Variants in PKP4 observed in about 807,000 individuals in gnomAD.
PKP4 encodes the protein plakophilin 4, also known as plakophilin-4.
PKP4 carries 90 observed loss-of-function variants against 145.1 expected under a neutral mutation model. That is an observed-to-expected ratio of 0.62 (90% CI 0.52 to 0.74). PKP4 has a LOEUF of 0.74. Among genes scored for constraint, PKP4 ranks in the 30% least tolerant of loss-of-function variants. PKP4 has a pLI of 0.00. For synonymous variants in PKP4, 563 were observed against 577.2 expected (o/e 0.98, Z 0.35); for missense variants, 1,340 against 1,482.7 (o/e 0.90, Z 1.58).
intron 3 of PKP4, among the ~76,000 whole-genome samples, chr2:158,600,744 A>T (rs1003246927): frequency 3.3e-5 from 5 of 152,226 alleles, no homozygotes; most frequent in African/African-American, 1.2e-4. Context: ...CTGTGAAAGT[A>T]GTTGGGCTGA....
intron 6 of PKP4, among the ~76,000 whole-genome samples, chr2:158,622,448 T>C (rs1158900307): frequency 4.2e-4 from 64 of 152,138 alleles, no homozygotes; most frequent in Non-Finnish European, 4.4e-5. Context: ...TGAGGCTAAC[T>C]ATCTGTGCCA....
At chr2:158,527,101 C>T (rs1004207901) in intron 1 of PKP4, among the ~76,000 whole-genome samples, 30 of 119,876 alleles carry the variant, frequency 2.5e-4, no homozygotes, top group African/African-American at 9.7e-4. Flanking sequence ...CATCAAGCTA[C>T]CAATGCCTTT....
intron 1 of PKP4, among the ~76,000 whole-genome samples, chr2:158,468,169 A>T (rs1036164219): frequency 2.0e-5 from 3 of 152,230 alleles, no homozygotes; most frequent in Non-Finnish European, 2.9e-5. Flanking sequence ...CATAATTTTT[A>T]AAACTTTCTT....
intron 2 of PKP4, among the ~76,000 whole-genome samples, chr2:158,575,767 T>C (rs2047791738): frequency 1.3e-5 from 2 of 151,350 alleles, no homozygotes; most frequent in African/African-American, 4.9e-5. Flanking sequence ...AGTGAGTAAA[T>C]GAAGTGAACA....
At chr2:158,475,431 A>C (rs1382066049) in intron 1 of PKP4, among the ~76,000 whole-genome samples, 1 of 152,168 alleles carries the variant, frequency 6.6e-6, no homozygotes, top group Non-Finnish European at 1.5e-5. Flanking sequence ...TAATCTCAGT[A>C]AGGGCATTTT....
chr2:158,481,900 A>G (rs1165995804), intron 1 of PKP4, among the ~76,000 whole-genome samples: 1 of 152,208 alleles, frequency 6.6e-6, no homozygotes, highest in Non-Finnish European at 1.5e-5. Flanking sequence ...ACCTACTTGT[A>G]TTATTGAAAT....
chr2:158,674,287 G>A (rs889625302), intron 19 of PKP4, among the ~76,000 whole-genome samples: 1 of 152,224 alleles, frequency 6.6e-6, no homozygotes, highest in African/African-American at 2.4e-5. Flanking sequence ...TGACAGACTG[G>A]ACAGGGGATC....
At chr2:158,564,992 C>T (rs1479305870) in intron 2 of PKP4, among the ~76,000 whole-genome samples, 1 of 152,090 alleles carries the variant, frequency 6.6e-6, no homozygotes, top group Non-Finnish European at 1.5e-5. Flanking sequence ...CAGAAAATGA[C>T]ATAACCTTAA....
At chr2:158,523,886 C>T (rs1222393058) in intron 1 of PKP4, among the ~76,000 whole-genome samples, 5 of 140,378 alleles carry the variant, frequency 3.6e-5, no homozygotes, top group African/African-American at 1.4e-4. Context: ...GTATCAGCAA[C>T]GGAAGATGAA....
At chr2:158,587,966 C>T (rs2048943941) in intron 3 of PKP4, among the ~76,000 whole-genome samples, 1 of 151,262 alleles carries the variant, frequency 6.6e-6, no homozygotes, top group Non-Finnish European at 1.5e-5. Flanking sequence ...AGTTTATGTG[C>T]CATTGTACAC....
At chr2:158,672,271 GT>G (rs2057628382) in intron 17 of PKP4, among the ~76,000 whole-genome samples, 1 of 152,230 alleles carries the variant, frequency 6.6e-6, no homozygotes, top group South Asian at 2.1e-4. Flanking sequence ...AGAGATGCAA[GT>G]ACATAACTCT....
chr2:158,537,413 T>C (rs1284874984), intron 2 of PKP4, among the ~76,000 whole-genome samples: 1 of 152,182 alleles, frequency 6.6e-6, no homozygotes, highest in Non-Finnish European at 1.5e-5. Flanking sequence ...TCCACCAGTG[T>C]TATGTGTATC....
intron 4 of PKP4, among the ~76,000 whole-genome samples, chr2:158,614,386 A>G (rs376002126): frequency 6.6e-6 from 1 of 152,232 alleles, no homozygotes; most frequent in Non-Finnish European, 1.5e-5. Flanking sequence ...AATTTTGACC[A>G]TATTCTGAAG....
intron 2 of PKP4, among the ~76,000 whole-genome samples, chr2:158,562,113 C>T (rs1006939494): frequency 4.6e-5 from 7 of 151,920 alleles, no homozygotes; most frequent in Non-Finnish European, 8.8e-5. Flanking sequence ...GGAAAAGAAG[C>T]CAGGAGAGGA....
chr2:158,538,101 T>C (rs980947654), intron 2 of PKP4, among the ~76,000 whole-genome samples: 5 of 152,160 alleles, frequency 3.3e-5, no homozygotes, highest in Non-Finnish European at 7.4e-5. Flanking sequence ...TGATTTGTCA[T>C]TGAAATGCAC....
intron 20 of PKP4, chr2:158,677,373 TA>T (rs1269005699): frequency 6.8e-6 from 1 of 146,978 alleles, no homozygotes. Flanking sequence ...TCAACGTGAT[TA>T]TTTTTTAAGA....
At chr2:158,458,890 A>G (rs774863829) in intron 1 of PKP4, among the ~76,000 whole-genome samples, 1 of 152,072 alleles carries the variant, frequency 6.6e-6, no homozygotes, top group African/African-American at 2.4e-5. Context: ...GATGTAATTT[A>G]TTAGTGGAGG....
chr2:158,644,675 G>A (rs1029486002), intron 11 of PKP4, among the ~76,000 whole-genome samples: 2 of 152,104 alleles, frequency 1.3e-5, no homozygotes, highest in African/African-American at 4.8e-5. Context: ...GATTGATGTG[G>A]ATATATGCAC....
intron 3 of PKP4, among the ~76,000 whole-genome samples, chr2:158,582,827 C>T (rs1412268482): frequency 1.3e-5 from 2 of 152,196 alleles, no homozygotes; most frequent in Non-Finnish European, 1.5e-5. Context: ...AAGTCTGACA[C>T]TACAGCTTGG....
Sources: allele counts gnomAD v4.1 joint callset (sites outside exome capture counted in the v4.1 genomes callset), GRCh38; gene constraint gnomAD v4.1.1; transcripts MANE v1.5; gene names NCBI Gene and HGNC (gene_info 2026-07-23, HGNC 2026-07-21).